DLG1: variants seen among roughly 807,000 people sequenced by gnomAD.
DLG1 encodes discs large MAGUK scaffold protein 1.
Under a neutral mutation model 123.4 loss-of-function variants are expected in DLG1, and 42 were observed. The observed-to-expected ratio is 0.34, with a 90% CI of 0.27 to 0.44. The LOEUF is 0.44. Ranked by LOEUF, DLG1 falls within the 20% of genes least tolerant of loss-of-function variation. The pLI is 1.00. For missense variants in DLG1, 942 were observed against 1,082.6 expected, an observed-to-expected ratio of 0.87 and a Z score of 1.82; for synonymous variants, 317 against 356.2, an observed-to-expected ratio of 0.89 and a Z score of 1.24.
intron 24 of DLG1, among the ~76,000 whole-genome samples, chr3:197,048,082 G>C (rs992854466): frequency 6.6e-6 from 1 of 152,224 alleles, no homozygotes; most frequent in Non-Finnish European, 1.5e-5. Context: ...AATGGGCAAA[G>C]GACTGGAATC....
In DLG1 at chr3:197,073,528, G is replaced by C. The variant is rs115260316; in HGVS notation, c.2005+3058C>G. ...CACGGGTTTTTATTTCTAGCTTTTC[G>C]CAAATGATGACTTAGCTGCATTCTC... On this transcript the variant is annotated intron_variant, in intron 18 of 24. Transcript: ENST00000667157. Among the ~76,000 whole-genome samples, 1,297 of 152,158 alleles carry C rather than the reference G, an allele frequency of 8.5e-3. 17 individuals are homozygous for C. The highest frequency in any genetic ancestry group is 0.03 in the African/African-American group (1,230 of 41,484).
In DLG1 at chr3:197,296,611, T is replaced by C. The variant is rs1579609910; in HGVS notation, c.20-134A>G. On this transcript the variant is annotated intron_variant, in intron 2 of 24. Coordinates refer to ENST00000667157, the MANE Select transcript of DLG1 (RefSeq NM_001366207.1). ...AGGTCAATTGATGTCACTATGTTCA[T>C]GTACACATATTCCTTAGAATGACCA... is the stretch of plus-strand genomic sequence containing the variant. The C allele has an allele frequency of 1.8e-5, 13 of 709,136 alleles. No homozygotes were observed. The South Asian group carries it at 2.8e-4, about 15-fold the overall frequency. 43.9% of individuals were successfully genotyped at this position (709,136 alleles called of 1,614,324 possible).
chr3:197,181,548 G>C (rs4916462), intron 5 of DLG1, among the ~76,000 whole-genome samples: 115,179 of 152,052 alleles, frequency 0.76, 43,753 homozygotes, highest in East Asian at 0.82. Flanking sequence ...CTAGTATCAA[G>C]TAAGATCCAA....
At chr3:197,194,327 C>T (rs543727480) in intron 5 of DLG1, 98 bp downstream of exon 5, 10 of 771,932 alleles carry the variant, frequency 1.3e-5, no homozygotes, top group African/African-American at 3.7e-5. Flanking sequence ...TGGGGTAGGG[C>T]GAACCTACAT....
intron 18 of DLG1, 92 bp from the exon 19 acceptor site, chr3:197,069,352 A>G (rs1741981385): frequency 1.4e-6 from 1 of 735,166 alleles, no homozygotes; most frequent in South Asian, 2.7e-5. Flanking sequence ...TAAGCCATAT[A>G]TAACAAAATA....
chr3:197,199,351 G>C (rs1211134024), intron 4 of DLG1, among the ~76,000 whole-genome samples: 1 of 152,136 alleles, frequency 6.6e-6, no homozygotes, highest in East Asian at 1.9e-4. Flanking sequence ...TATATCACAA[G>C]TGAAAAATTC....
At chr3:197,095,321 G>A (rs189614683) in intron 14 of DLG1, among the ~76,000 whole-genome samples, 1 of 151,854 alleles carries the variant, frequency 6.6e-6, no homozygotes, top group Non-Finnish European at 1.5e-5. Flanking sequence ...AGAGTCACCA[G>A]TAATGTTCTT....
chr3:197,244,247 A>G (rs1439735671), intron 4 of DLG1, among the ~76,000 whole-genome samples: 1 of 152,162 alleles, frequency 6.6e-6, no homozygotes, highest in African/African-American at 2.4e-5. Context: ...AATAGCAGAG[A>G]GGGAGCTTGG....
chr3:197,286,050 C>T (rs200779599), intron 3 of DLG1, among the ~76,000 whole-genome samples: 3 of 152,052 alleles, frequency 2.0e-5, no homozygotes, highest in South Asian at 2.1e-4. Context: ...TAAAAAGATA[C>T]GAGCTATTAG....
chr3:197,205,497 C>G (rs938695187), intron 4 of DLG1, among the ~76,000 whole-genome samples: 14 of 152,078 alleles, frequency 9.2e-5, no homozygotes, highest in Non-Finnish European at 1.9e-4. Flanking sequence ...AAAAGCATTT[C>G]ATGTAACTGA....
At chr3:197,118,419 A>C (rs1774463013) in intron 12 of DLG1, among the ~76,000 whole-genome samples, 1 of 152,200 alleles carries the variant, frequency 6.6e-6, no homozygotes, top group Non-Finnish European at 1.5e-5. Context: ...CCCAAACACA[A>C]TTACTGACAA....
At chr3:197,092,509 T>C (rs1202438957) in intron 14 of DLG1, among the ~76,000 whole-genome samples, 4 of 152,130 alleles carry the variant, frequency 2.6e-5, no homozygotes, top group African/African-American at 9.7e-5. Context: ...GTTTTCTTTT[T>C]TTATTTTTAG....
chr3:197,167,268 C>T (rs1561191181), intron 5 of DLG1, among the ~76,000 whole-genome samples: 1 of 152,100 alleles, frequency 6.6e-6, no homozygotes, highest in Non-Finnish European at 1.5e-5. Context: ...CATCATTTGG[C>T]AGCCATCATA....
chr3:197,133,551 T>G (rs2149573366), intron 10 of DLG1, among the ~76,000 whole-genome samples: 1 of 152,338 alleles, frequency 6.6e-6, no homozygotes, highest in Non-Finnish European at 1.5e-5. Context: ...CACAATTTGC[T>G]GAGGGATTTA....
In DLG1 at chr3:197,075,914, C is replaced by A; in HGVS notation, c.2005+672G>T. 2 of 1,584,540 alleles carry A rather than the reference C, an allele frequency of 1.3e-6. No homozygotes were observed. Among genetic ancestry groups the A allele is most frequent in the South Asian group, 1.1e-5 (1 of 89,306 alleles). On this transcript the variant is annotated intron_variant, in intron 18 of 24. Transcript: ENST00000667157. ...AGAGAGCAAGCAATAAAAAGATAAT[C>A]AAAGAAAATAGTTGTCAGTAATGCA... is the stretch of plus-strand genomic sequence containing the variant.
intron 4 of DLG1, among the ~76,000 whole-genome samples, chr3:197,260,750 C>CAAAAAA: frequency 7.6e-4 from 14 of 18,314 alleles, no homozygotes; most frequent in African/African-American, 1.7e-3. Flanking sequence ...TGACAACCAC[C>CAAAAAA]AAAAAAAAAA....
intron 5 of DLG1, among the ~76,000 whole-genome samples, chr3:197,166,872 A>G (rs1801707294): frequency 6.6e-6 from 1 of 151,964 alleles, no homozygotes; most frequent in Admixed American, 6.6e-5. Context: ...GGCCTGGGCA[A>G]TAAGAGCGAA....
intron 6 of DLG1, among the ~76,000 whole-genome samples, chr3:197,145,621 T>G (rs911360390): frequency 1.3e-5 from 2 of 152,174 alleles, no homozygotes; most frequent in Non-Finnish European, 2.9e-5. Context: ...AACGTAAAAT[T>G]TTGATACTGT....
intron 5 of DLG1, 23 bp from the exon 6 acceptor site, chr3:197,149,819 T>C (rs781185373): frequency 7.0e-7 from 1 of 1,433,802 alleles, no homozygotes. Context: ...ATTGTAAATG[T>C]GTTAACAAGA....
Sources: allele counts gnomAD v4.1 joint callset (sites outside exome capture counted in the v4.1 genomes callset), GRCh38; gene constraint gnomAD v4.1.1; transcripts MANE v1.5; gene names NCBI Gene and HGNC (gene_info 2026-07-23, HGNC 2026-07-21).